Variants in HIVEP3 observed in about 807,000 individuals in gnomAD.
HIVEP3 encodes transcription factor HIVEP3.
In HIVEP3, 49 loss-of-function variants were observed where a neutral mutation model predicts 152.8. That is an observed-to-expected ratio of 0.32 (90% CI 0.26 to 0.41). HIVEP3 has a LOEUF of 0.41. Among genes scored for constraint, HIVEP3 ranks in the 10% least tolerant of loss-of-function variants. HIVEP3 has a pLI of 1.00. For missense variants in HIVEP3, 2,790 were observed against 3,103.3 expected (o/e 0.90, Z 2.40); for synonymous variants, 1,269 against 1,289.0 (o/e 0.98, Z 0.33).
At chr1:41,521,699 A>T (rs1257267068) in intron 6 of HIVEP3, among the ~76,000 whole-genome samples, 1 of 152,238 alleles carries the variant, frequency 6.6e-6, no homozygotes, top group African/African-American at 2.4e-5. Context: ...GGCAAGTGAG[A>T]GGTAAAGTGA....
At chr1:41,739,427 C>T (rs1471320661) in intron 1 of HIVEP3, among the ~76,000 whole-genome samples, 1 of 152,234 alleles carries the variant, frequency 6.6e-6, no homozygotes, top group Non-Finnish European at 1.5e-5. Context: ...AGCAGAGGAA[C>T]AGCGTGACAG....
At chr1:42,004,934 C>CAAATA (rs2124525851) in intron 1 of HIVEP3, among the ~76,000 whole-genome samples, 3 of 152,326 alleles carry the variant, frequency 2.0e-5, no homozygotes, top group East Asian at 3.9e-4. Flanking sequence ...TTAGAGTTTG[C>CAAATA]TGTAAATATG....
At chr1:41,969,709 C>T (rs552463824) in intron 1 of HIVEP3, among the ~76,000 whole-genome samples, 35 of 151,940 alleles carry the variant, frequency 2.3e-4, no homozygotes, top group Non-Finnish European at 4.6e-4. Flanking sequence ...TTGACAAATG[C>T]GATCTAATTA....
intron 3 of HIVEP3, among the ~76,000 whole-genome samples, chr1:41,600,397 A>G (rs954251316): frequency 6.6e-6 from 1 of 152,224 alleles, no homozygotes. Flanking sequence ...AAGACGGAAT[A>G]ATATTCCATT....
chr1:41,601,097 T>C (rs138559382), intron 3 of HIVEP3, among the ~76,000 whole-genome samples: 121 of 152,330 alleles, frequency 7.9e-4, no homozygotes, highest in African/African-American at 2.8e-3. Flanking sequence ...TTCTCTGTTC[T>C]GTTTCATTGG....
intron 1 of HIVEP3, among the ~76,000 whole-genome samples, chr1:41,712,961 C>T (rs768977015): frequency 2.6e-5 from 4 of 152,154 alleles, no homozygotes; most frequent in Admixed American, 2.6e-4. Context: ...CTTCCCTCTG[C>T]CACCTCCCAC....
intron 1 of HIVEP3, among the ~76,000 whole-genome samples, chr1:42,003,863 G>C (rs907907179): frequency 2.0e-5 from 3 of 151,894 alleles, no homozygotes; most frequent in Non-Finnish European, 4.4e-5. Context: ...CTCTGGGGGA[G>C]ACATAAGCTT....
At chr1:41,727,619 G>A (rs7518062) in intron 1 of HIVEP3, among the ~76,000 whole-genome samples, 10,306 of 152,294 alleles carry the variant, frequency 0.068, 1,182 homozygotes, top group African/African-American at 0.23. Flanking sequence ...GGAATCCCCC[G>A]CAGACCGGTG....
intron 6 of HIVEP3, among the ~76,000 whole-genome samples, chr1:41,524,344 C>T (rs1406781239): frequency 6.6e-6 from 1 of 152,122 alleles, no homozygotes; most frequent in African/African-American, 2.4e-5. Flanking sequence ...GCAAGAGTGG[C>T]AGTGACGAGC....
At position 41,682,369 on chromosome 1, in the gene HIVEP3, G is replaced by C. The variant is rs931941321; in HGVS notation, c.-721+18547C>G. 3.9e-5 allele frequency among the ~76,000 whole-genome samples: 6 copies of C among 152,210 alleles called. No individual in the cohort carries two copies. The East Asian group carries it at 1.2e-3, about 29-fold the overall frequency. ...GTCTGTCTCCCTACCTAGGTCGTGA[G>C]CTCTCAAGGGTAGGCACCAAGCCTG... On this transcript the variant is annotated intron_variant, in intron 2 of 8. Transcript: ENST00000372583.
chr1:41,517,054 C>T (rs1424214123), intron 7 of HIVEP3, among the ~76,000 whole-genome samples: 1 of 152,252 alleles, frequency 6.6e-6, no homozygotes, highest in Non-Finnish European at 1.5e-5. Context: ...AGAGACTGTG[C>T]CCAGTAATTA....
At chr1:41,531,424 CAG>C (rs1222925840) in intron 5 of HIVEP3, among the ~76,000 whole-genome samples, 1 of 106,306 alleles carries the variant, frequency 9.4e-6, no homozygotes, top group Non-Finnish European at 2.0e-5. Context: ...AGATGGAGGA[CAG>C]GGGAGATGGA....
rs1454760225 is a variant in HIVEP3 at position 41,581,702 on chromosome 1, T to C, written c.3096A>G (p.Pro1032=). 3.1e-6 allele frequency: 5 copies of C among 1,613,388 alleles called. No individual in the cohort carries two copies. The highest frequency in any genetic ancestry group is 3.3e-5 in the Admixed American group (2 of 59,890). ...TTCTCTCTGGCGGGGCCACCCGCGC[T>C]GGTGGAGCCACTGGGGCTGGAGCAG... ...GPSAPAPVAP[P]ARVAPPERRK... is the part of the protein sequence containing the mutation. The change falls in exon 4 of 9, where the codon CCA becomes CCG. Residue 1032 remains proline, a synonymous_variant. Coordinates refer to ENST00000372583, the MANE Select transcript of HIVEP3 (RefSeq NM_024503.5). The surrounding 1 kb of genome is among the most constrained non-coding windows in gnomAD (Gnocchi z 4.5).
intron 1 of HIVEP3, among the ~76,000 whole-genome samples, chr1:41,983,979 T>TGA (rs10562120): frequency 4.9e-4 from 75 of 152,052 alleles, no homozygotes; most frequent in African/African-American, 1.1e-3. Context: ...ATATTTTTTT[T>TGA]GAGAGAGAGA....
At position 41,510,347 on chromosome 1, in the gene HIVEP3, G is replaced by A. The variant is rs1326223217; in HGVS notation, c.*104C>T. 38 of 1,051,172 alleles carry A rather than the reference G, an allele frequency of 3.6e-5. No homozygotes were observed. The highest frequency in any genetic ancestry group is 3.7e-5 in the Admixed American group (1 of 27,354). The allele number at this position is 1,051,172 out of a possible 1,614,324, so 65.1% of individuals were successfully genotyped here. On this transcript the variant is annotated 3_prime_UTR_variant, in exon 9 of 9. Coordinates refer to ENST00000372583, the MANE Select transcript of HIVEP3 (RefSeq NM_024503.5). ...GATGGGGCCGTGAGAGCTCCTGGACGGAGGGACAGATGGGGCTGAGGAAGT... is the reference window on the plus strand; with the variant it reads ...GATGGGGCCGTGAGAGCTCCTGGACAGAGGGACAGATGGGGCTGAGGAAGT...
Position 41,729,284 on chromosome 1 carries a change from A to G in HIVEP3, c.-800-28289T>C, listed in dbSNP as rs761988563. Reference sequence around the variant, plus strand: ...CTTCCAACATTATGTTGTGAAGAACAGGGCAGACCTGGGCCCATGCTATCT... The same window carrying G: ...CTTCCAACATTATGTTGTGAAGAACGGGGCAGACCTGGGCCCATGCTATCT... On this transcript the variant is annotated intron_variant, in intron 1 of 8. Transcript: ENST00000372583. Among the ~76,000 whole-genome samples the G allele has an allele frequency of 3.9e-4, 60 of 152,316 alleles. 2 individuals are homozygous for G. The highest frequency in any genetic ancestry group is 1.1e-3 in the Admixed American group (17 of 15,304).
chr1:41,540,495 C>T (rs1643503282), intron 5 of HIVEP3, among the ~76,000 whole-genome samples: 1 of 152,140 alleles, frequency 6.6e-6, no homozygotes, highest in Admixed American at 6.5e-5. Flanking sequence ...CATGCTCAGA[C>T]CCCAGAGTTA....
chr1:41,992,144 G>A (rs1459716533), intron 1 of HIVEP3, among the ~76,000 whole-genome samples: 1 of 142,878 alleles, frequency 7.0e-6, no homozygotes, highest in African/African-American at 2.6e-5. Context: ...GGAAGTTCTG[G>A]CCAGGGCAAT....
intron 5 of HIVEP3, among the ~76,000 whole-genome samples, chr1:41,561,797 A>G (rs929211169): frequency 9.6e-5 from 4 of 41,764 alleles, no homozygotes; most frequent in Non-Finnish European, 2.0e-4. Flanking sequence ...TGCCTGACCC[A>G]TATTCACTTT....
Sources: allele counts gnomAD v4.1 joint callset (sites outside exome capture counted in the v4.1 genomes callset), GRCh38; gene constraint gnomAD v4.1.1; non-coding constraint Gnocchi (gnomAD v3.1); transcripts MANE v1.5; gene names NCBI Gene and HGNC (gene_info 2026-07-23, HGNC 2026-07-21).